Variants in RGS7 observed in about 807,000 individuals in gnomAD.
RGS7 encodes the protein regulator of G protein signaling 7.
A neutral mutation model predicts 81.1 loss-of-function variants in RGS7; 27 were observed. The ratio of observed to expected loss-of-function variants is 0.33; its 90% CI spans 0.25 to 0.46. RGS7 has a LOEUF of 0.46. RGS7 is among the 20% of genes least tolerant of loss of function. The probability of loss-of-function intolerance (pLI) is 1.00; values close to 1 mark genes in which losing one functional copy is unlikely to be tolerated. For missense variants in RGS7, 396 were observed against 607.4 expected (o/e 0.65, Z 3.66); for synonymous variants, 208 against 207.7 (o/e 1.00, Z -0.01).
At position 240,972,848 on chromosome 1, in the gene RGS7, CAAAAAA is replaced by C. The variant is rs35291771; in HGVS notation, c.226+10225_226+10230del. Among the ~76,000 whole-genome samples, 371 of 74,984 alleles carry C rather than the reference CAAAAAA, an allele frequency of 4.9e-3. 2 individuals are homozygous for C. Among genetic ancestry groups the C allele is most frequent in the African/African-American group, 0.016 (327 of 19,904 alleles). 49.2% of individuals were successfully genotyped at this position (74,984 alleles called of 152,430 possible). ...CAGCCTGGGCAACAACCCCGCCTCTCAAAAAAAAAAAAAAAAAAAAAATTAAAATCA... is the reference window on the plus strand; with the variant it reads ...CAGCCTGGGCAACAACCCCGCCTCTCAAAAAAAAAAAAAAAATTAAAATCA... On this transcript the variant is annotated intron_variant, in intron 4 of 18. Transcript: ENST00000440928.
At position 241,165,856 on chromosome 1, in the gene RGS7, T is replaced by C. The variant is rs144645105; in HGVS notation, c.79-67094A>G. On this transcript the variant is annotated intron_variant, in intron 2 of 18. Transcript: ENST00000440928. ...AGACAACCTGGTACCAAACCTCAAA[T>C]GCTTTTACCCAACAGCAGTAGTTCT... Among the ~76,000 whole-genome samples the C allele has an allele frequency of 1.9e-4, 29 of 149,214 alleles. No individual in the cohort carries two copies. In the East Asian group the frequency reaches 3.1e-3, roughly 16 times the overall value.
At chr1:241,207,310 C>A (rs1167061742) in intron 2 of RGS7, among the ~76,000 whole-genome samples, 3 of 146,318 alleles carry the variant, frequency 2.1e-5, no homozygotes, top group Non-Finnish European at 4.5e-5. Context: ...ATGCTTTGTT[C>A]ATCACTGTGC....
At chr1:241,044,799 C>T (rs537128358) in intron 3 of RGS7, among the ~76,000 whole-genome samples, 4 of 152,194 alleles carry the variant, frequency 2.6e-5, no homozygotes, top group South Asian at 2.1e-4. Flanking sequence ...ATATTTATTT[C>T]GTGCCTCCAT....
At chr1:240,820,128 G>A (rs990800271) in intron 10 of RGS7, among the ~76,000 whole-genome samples, 1 of 152,170 alleles carries the variant, frequency 6.6e-6, no homozygotes, top group South Asian at 2.1e-4. Context: ...TATTCAAATC[G>A]TGGTACAGGG....
chr1:241,292,849 G>A (rs1300457341), intron 2 of RGS7, among the ~76,000 whole-genome samples: 1 of 152,214 alleles, frequency 6.6e-6, no homozygotes, highest in Non-Finnish European at 1.5e-5. Context: ...TGAAAATGTA[G>A]AGGAAAAGTA....
intron 3 of RGS7, among the ~76,000 whole-genome samples, chr1:241,088,007 C>CAT (rs1553414161): frequency 7.6e-6 from 1 of 131,214 alleles, no homozygotes; most frequent in South Asian, 2.2e-4. Flanking sequence ...CACACACACA[C>CAT]ATATATATAT....
intron 2 of RGS7, among the ~76,000 whole-genome samples, chr1:241,121,269 G>A (rs1336433500): frequency 6.6e-6 from 1 of 152,184 alleles, no homozygotes; most frequent in South Asian, 2.1e-4. Context: ...TCTCTAAAAA[G>A]GAATTATGGT....
intron 2 of RGS7, among the ~76,000 whole-genome samples, chr1:241,350,205 A>G (rs994851875): frequency 6.6e-6 from 1 of 152,146 alleles, no homozygotes; most frequent in Non-Finnish European, 1.5e-5. Flanking sequence ...AAATCCTTCT[A>G]TCTACTTCTC....
chr1:240,843,090 A>T (rs914920332), intron 9 of RGS7, among the ~76,000 whole-genome samples: 9 of 151,896 alleles, frequency 5.9e-5, no homozygotes, highest in African/African-American at 2.2e-4. Flanking sequence ...GCTTGAACCC[A>T]GGAGGCAGAG....
chr1:240,852,079 C>A (rs572632532), intron 9 of RGS7, among the ~76,000 whole-genome samples: 1 of 152,164 alleles, frequency 6.6e-6, no homozygotes, highest in Non-Finnish European at 1.5e-5. Context: ...AAAATGCTAT[C>A]AAGCAGCATC....
At chr1:241,241,168 G>A (rs1347756071) in intron 2 of RGS7, among the ~76,000 whole-genome samples, 4 of 151,988 alleles carry the variant, frequency 2.6e-5, no homozygotes, top group African/African-American at 7.3e-5. Flanking sequence ...TCTCAACACA[G>A]ACATATTTAC....
At chr1:240,880,399 G>T (rs1177928675) in intron 6 of RGS7, among the ~76,000 whole-genome samples, 1 of 152,198 alleles carries the variant, frequency 6.6e-6, no homozygotes, top group African/African-American at 2.4e-5. Flanking sequence ...TTATAAGTGA[G>T]GCTGCTACAC....
intron 2 of RGS7, among the ~76,000 whole-genome samples, chr1:241,311,010 T>C (rs2080494899): frequency 6.6e-6 from 1 of 152,216 alleles, no homozygotes; most frequent in Non-Finnish European, 1.5e-5. Flanking sequence ...CACGGACTAA[T>C]TTTTGACCAA....
intron 16 of RGS7, 146 bp from the exon 17 acceptor site, chr1:240,801,654 G>T: frequency 1.4e-6 from 1 of 701,198 alleles, no homozygotes; most frequent in Non-Finnish European, 2.5e-6. Context: ...GGCCCATAGA[G>T]GTTGGAGAGC....
chr1:240,992,200 G>T (rs1433316491), intron 3 of RGS7, among the ~76,000 whole-genome samples: 2 of 152,178 alleles, frequency 1.3e-5, no homozygotes, highest in African/African-American at 4.8e-5. Context: ...ATGCACTTAT[G>T]CATAGTCAAA....
chr1:240,890,092 TTG>T lies in RGS7; in HGVS notation c.386-19975_386-19974del, dbSNP rs147140841. Among the ~76,000 whole-genome samples the T allele has an allele frequency of 7.7e-3, 1,175 of 152,318 alleles. 14 individuals are homozygous for T. The highest frequency in any genetic ancestry group is 0.027 in the African/African-American group (1,102 of 41,572). ...CGTACTCAGTCCTGCAAAACGGAGC[TTG>T]TGTCAAATGAAACAATCTCCGTTTC... On this transcript the variant is annotated intron_variant, in intron 6 of 18. Coordinates refer to ENST00000440928, the MANE Select transcript of RGS7 (RefSeq NM_001364886.1).
chr1:241,290,762 T>C (rs1243295770), intron 2 of RGS7, among the ~76,000 whole-genome samples: 1 of 152,196 alleles, frequency 6.6e-6, no homozygotes, highest in African/African-American at 2.4e-5. Context: ...CCATAAACTC[T>C]CCAAATCTCA....
chr1:241,311,551 T>C (rs770083359), intron 2 of RGS7, among the ~76,000 whole-genome samples: 86 of 152,326 alleles, frequency 5.6e-4, no homozygotes, highest in Middle Eastern at 6.8e-3. Context: ...AGAGCTGTCA[T>C]GCCAGTAGGA....
intron 5 of RGS7, among the ~76,000 whole-genome samples, chr1:240,935,815 A>G (rs939678827): frequency 6.6e-6 from 1 of 152,226 alleles, no homozygotes; most frequent in Non-Finnish European, 1.5e-5. Flanking sequence ...TGAAAGTTGG[A>G]CTGTGGGGAG....
Sources: allele counts gnomAD v4.1 joint callset (sites outside exome capture counted in the v4.1 genomes callset), GRCh38; gene constraint gnomAD v4.1.1; transcripts MANE v1.5; gene names NCBI Gene and HGNC (gene_info 2026-07-23, HGNC 2026-07-21).